The following MPPED2 variants were observed in gnomAD, a reference collection of about 807,000 sequenced individuals.
MPPED2 encodes the protein metallophosphoesterase domain containing 2.
A neutral mutation model predicts 33.0 loss-of-function variants in MPPED2; 5 were observed. The ratio of observed to expected loss-of-function variants is 0.15; its 90% CI spans 0.08 to 0.32. The LOEUF (loss-of-function observed/expected upper bound fraction) is 0.32. Among genes scored for constraint, MPPED2 ranks in the 10% least tolerant of loss-of-function variants. MPPED2 has a pLI of 1.00. For missense variants in MPPED2, 275 were observed against 372.1 expected, an observed-to-expected ratio of 0.74 and a Z score of 2.15; for synonymous variants, 136 against 141.9, an observed-to-expected ratio of 0.96 and a Z score of 0.29.
intron 1 of MPPED2, 113 bp from the exon 2 acceptor site, chr11:30,580,607 T>C (rs978890682): frequency 1.1e-5 from 12 of 1,058,414 alleles, no homozygotes; most frequent in Middle Eastern, 3.2e-4. Flanking sequence ...TCTGAATATG[T>C]GTTGTTGGCT....
chr11:30,525,732 A>G (rs1954130238), intron 3 of MPPED2, among the ~76,000 whole-genome samples: 1 of 152,174 alleles, frequency 6.6e-6, no homozygotes, highest in Admixed American at 6.5e-5. Flanking sequence ...ATCTGCCCAT[A>G]TCAACTCCCC....
At chr11:30,480,285 T>C (rs1951422037) in intron 4 of MPPED2, among the ~76,000 whole-genome samples, 1 of 152,092 alleles carries the variant, frequency 6.6e-6, no homozygotes, top group Admixed American at 6.6e-5. Flanking sequence ...CGTACAAACA[T>C]AAAGAACTAG....
intron 1 of MPPED2, among the ~76,000 whole-genome samples, chr11:30,583,876 G>A (rs906061871): frequency 6.6e-6 from 1 of 152,184 alleles, no homozygotes; most frequent in Non-Finnish European, 1.5e-5. Context: ...AGCCTGGCGG[G>A]ACTTTGGAAC....
chr11:30,573,699 T>C (rs1956802713), intron 2 of MPPED2, among the ~76,000 whole-genome samples: 1 of 152,170 alleles, frequency 6.6e-6, no homozygotes, highest in South Asian at 2.1e-4. Context: ...GCTTTTGGGA[T>C]ATACGTGGTT....
At chr11:30,396,697 A>G (rs1947843432) in intron 6 of MPPED2, among the ~76,000 whole-genome samples, 3 of 152,102 alleles carry the variant, frequency 2.0e-5, no homozygotes, top group Admixed American at 2.0e-4. Flanking sequence ...CATGAGTTTG[A>G]ATGCTCTTTT....
chr11:30,520,648 G>A (rs987469552), intron 3 of MPPED2, among the ~76,000 whole-genome samples: 1 of 152,020 alleles, frequency 6.6e-6, no homozygotes, highest in African/African-American at 2.4e-5. Context: ...AGTATTTACA[G>A]CATTTAATTT....
intron 4 of MPPED2, among the ~76,000 whole-genome samples, chr11:30,437,045 G>A (rs954768435): frequency 3.3e-5 from 5 of 152,160 alleles, no homozygotes; most frequent in South Asian, 2.1e-4. Context: ...CTATTTAAGC[G>A]AAGGAAATTA....
At chr11:30,469,165 G>T (rs187752168) in intron 4 of MPPED2, among the ~76,000 whole-genome samples, 218 of 152,262 alleles carry the variant, frequency 1.4e-3, no homozygotes, top group African/African-American at 4.9e-3. Context: ...ACAATAGCAG[G>T]CCCTACATTT....
At chr11:30,397,597 C>T (rs535359593) in intron 6 of MPPED2, among the ~76,000 whole-genome samples, 1 of 152,208 alleles carries the variant, frequency 6.6e-6, no homozygotes, top group Admixed American at 6.5e-5. Context: ...TATATAAATG[C>T]TTGATAGTAG....
intron 2 of MPPED2, among the ~76,000 whole-genome samples, chr11:30,575,719 T>C (rs994350434): frequency 1.3e-5 from 2 of 152,210 alleles, no homozygotes; most frequent in Non-Finnish European, 2.9e-5. Context: ...GGAAGGCCAC[T>C]GTGATTCCAC....
In MPPED2 at chr11:30,410,697, A is replaced by G; in HGVS notation, c.*771T>C. 1 of 984,664 alleles carries G rather than the reference A, an allele frequency of 1.0e-6. No homozygotes were observed. Among genetic ancestry groups the G allele is most frequent in the Non-Finnish European group, 1.2e-6 (1 of 828,834 alleles). 61.0% of individuals were successfully genotyped at this position (984,664 alleles called of 1,614,324 possible). ...AATAAACTCCTAACGTAGTCATAAT[A>G]CACAAAAAATACTTATATATATAAA... is the stretch of plus-strand genomic sequence containing the variant. On this transcript the variant is annotated 3_prime_UTR_variant, in exon 7 of 7. Transcript: ENST00000358117.
chr11:30,586,148 G>T lies in MPPED2; in HGVS notation c.-228C>A. 1 of 152,664 alleles carries T rather than the reference G, an allele frequency of 6.6e-6. No individual in the cohort carries two copies. The highest frequency in any genetic ancestry group is 2.1e-4 in the South Asian group (1 of 4,868). 9.5% of individuals were successfully genotyped at this position (152,664 alleles called of 1,614,324 possible). A position where few individuals can be genotyped will look rare whatever the true frequency, so the allele number is the denominator to read the frequency against. On this transcript the variant is annotated 5_prime_UTR_variant, in exon 1 of 7. Coordinates refer to ENST00000358117, the MANE Select transcript of MPPED2 (RefSeq NM_001584.3). The surrounding 1 kb of genome is among the most constrained non-coding windows in gnomAD (Gnocchi z 4.8). ...GGCTGGAGGAGCGCTGGGGGCGCGC[G>T]GGGGCGGCGAGGGGCGCGAGCGGGC...
In MPPED2 at chr11:30,451,121, G is replaced by A. The variant is rs115466008; in HGVS notation, c.537-33488C>T. On this transcript the variant is annotated intron_variant, in intron 4 of 6. Coordinates refer to ENST00000358117, the MANE Select transcript of MPPED2 (RefSeq NM_001584.3). ...CTAGCTGTAGGGGTCTGGGCAAATC[G>A]GTTCCCCTCTCTGGGACTAGACTTC... is the stretch of plus-strand genomic sequence containing the variant. Among the ~76,000 whole-genome samples the A allele has an allele frequency of 4.5e-3, 679 of 152,262 alleles. 5 individuals carry two copies. Among genetic ancestry groups the A allele is most frequent in the African/African-American group, 0.014 (591 of 41,548 alleles).
At chr11:30,507,814 T>G (rs1590632877) in intron 3 of MPPED2, among the ~76,000 whole-genome samples, 2 of 152,300 alleles carry the variant, frequency 1.3e-5, no homozygotes, top group Non-Finnish European at 2.9e-5. Context: ...TGGCAATGCT[T>G]TTATGGCTTT....
chr11:30,455,795 A>G (rs1950255980), intron 4 of MPPED2, among the ~76,000 whole-genome samples: 1 of 152,162 alleles, frequency 6.6e-6, no homozygotes. Context: ...CACAAAGGTA[A>G]AGAGCCCTCA....
chr11:30,435,507 C>A (rs1442672621), intron 4 of MPPED2, among the ~76,000 whole-genome samples: 5 of 152,214 alleles, frequency 3.3e-5, no homozygotes, highest in Non-Finnish European at 7.3e-5. Flanking sequence ...CACACAAAAT[C>A]TATGCTCCTT....
intron 3 of MPPED2, among the ~76,000 whole-genome samples, chr11:30,515,764 A>G (rs1157657398): frequency 6.6e-6 from 1 of 152,192 alleles, no homozygotes; most frequent in East Asian, 1.9e-4. Context: ...ACTACCCCCA[A>G]TTTGCCTTAC....
chr11:30,421,528 T>G (rs571301518), intron 4 of MPPED2, among the ~76,000 whole-genome samples: 1 of 152,288 alleles, frequency 6.6e-6, no homozygotes, highest in South Asian at 2.1e-4. Context: ...CTAGAGCTTT[T>G]ACGTAAGTTA....
At chr11:30,454,235 A>G (rs560546693) in intron 4 of MPPED2, among the ~76,000 whole-genome samples, 1 of 152,320 alleles carries the variant, frequency 6.6e-6, no homozygotes, top group African/African-American at 2.4e-5. Context: ...GCCTCATTAA[A>G]TCTAAGCCTC....
Sources: allele counts gnomAD v4.1 joint callset (sites outside exome capture counted in the v4.1 genomes callset), GRCh38; gene constraint gnomAD v4.1.1; non-coding constraint Gnocchi (gnomAD v3.1); transcripts MANE v1.5; gene names NCBI Gene and HGNC (gene_info 2026-07-23, HGNC 2026-07-21).